Variants in CACNA2D3 observed in about 807,000 individuals in gnomAD.
CACNA2D3 encodes voltage-dependent calcium channel subunit alpha-2/delta-3.
In CACNA2D3, 60 loss-of-function variants were observed where a neutral mutation model predicts 160.6. That is an observed-to-expected ratio of 0.37 (90% CI 0.30 to 0.46). The LOEUF (loss-of-function observed/expected upper bound fraction) is 0.46, where lower values mean the gene tolerates loss of function less well. Among genes scored for constraint, CACNA2D3 ranks in the 20% least tolerant of loss-of-function variants. The pLI, the probability that CACNA2D3 is intolerant of heterozygous loss-of-function variation, is 1.00. For missense variants in CACNA2D3, 1,205 were observed against 1,365.0 expected (o/e 0.88, Z 1.85); for synonymous variants, 558 against 492.9 (o/e 1.13, Z -1.75).
At chr3:54,406,361 G>C (rs555287532) in intron 4 of CACNA2D3, among the ~76,000 whole-genome samples, 3 of 152,066 alleles carry the variant, frequency 2.0e-5, no homozygotes, top group Non-Finnish European at 4.4e-5. Context: ...TAGTGTGTAT[G>C]TGTGTATATA....
At position 54,968,530 on chromosome 3, in the gene CACNA2D3, C is replaced by T. The variant is rs776187720; in HGVS notation, c.2511+19C>T. ...CAGACAGGTAAGTTATAATCAGCATCTTGAAGCATTAGCGACACTGTTATT... is the reference window on the plus strand; with the variant it reads ...CAGACAGGTAAGTTATAATCAGCATTTTGAAGCATTAGCGACACTGTTATT... On this transcript the variant is annotated intron_variant, in intron 28 of 37. Coordinates refer to ENST00000474759, the MANE Select transcript of CACNA2D3 (RefSeq NM_018398.3). The T allele has an allele frequency of 5.6e-6, 9 of 1,593,758 alleles. No homozygotes were observed. Among genetic ancestry groups the T allele is most frequent in the South Asian group, 1.1e-5 (1 of 88,892 alleles).
Position 54,513,113 on chromosome 3 carries a change from C to T in CACNA2D3, c.544+9459C>T, listed in dbSNP as rs144652721. ...ATGGGAATTCAAGATGAGATTTGGG[C>T]GGGGACACAGCCAAACCATATCAGG... is the stretch of plus-strand genomic sequence containing the variant. On this transcript the variant is annotated intron_variant, in intron 5 of 37. Coordinates refer to ENST00000474759, the MANE Select transcript of CACNA2D3 (RefSeq NM_018398.3). 6.0e-3 allele frequency among the ~76,000 whole-genome samples: 906 copies of T among 152,268 alleles called. 9 individuals are homozygous for T. Among genetic ancestry groups the T allele is most frequent in the African/African-American group, 0.019 (802 of 41,544 alleles).
intron 17 of CACNA2D3, among the ~76,000 whole-genome samples, chr3:54,852,971 A>G (rs1421569791): frequency 1.3e-5 from 2 of 151,550 alleles, no homozygotes; most frequent in African/African-American, 2.4e-5. Flanking sequence ...TTTCTTAACT[A>G]TGCAATTCCG....
intron 29 of CACNA2D3, among the ~76,000 whole-genome samples, chr3:54,979,739 C>T (rs1177452452): frequency 6.6e-6 from 1 of 152,062 alleles, no homozygotes; most frequent in African/African-American, 2.4e-5. Context: ...AACTTTCTTC[C>T]TCTATTCTAA....
chr3:54,560,683 G>A (rs1289295903), intron 5 of CACNA2D3, among the ~76,000 whole-genome samples: 1 of 152,020 alleles, frequency 6.6e-6, no homozygotes, highest in Non-Finnish European at 1.5e-5. Context: ...TGTCTAGGTT[G>A]TATTCCAGGG....
At chr3:54,891,317 C>T (rs761566371) in intron 24 of CACNA2D3, 38 bp from the exon 25 acceptor site, 21 of 1,418,460 alleles carry the variant, frequency 1.5e-5, no homozygotes, top group Non-Finnish European at 1.9e-5. Flanking sequence ...TGCTTACTGT[C>T]TAGAGGCCTC....
At chr3:54,837,349 T>A in intron 15 of CACNA2D3, 119 bp downstream of exon 15, 1 of 798,504 alleles carries the variant, frequency 1.3e-6, no homozygotes, top group Non-Finnish European at 2.1e-6. Flanking sequence ...CATTTTTCCT[T>A]ATTGTTTGAT....
intron 3 of CACNA2D3, among the ~76,000 whole-genome samples, chr3:54,381,764 A>C (rs1699106692): frequency 6.6e-6 from 1 of 152,208 alleles, no homozygotes; most frequent in Non-Finnish European, 1.5e-5. Flanking sequence ...CTTCGCCTTC[A>C]CCAAAGCTGT....
intron 11 of CACNA2D3, among the ~76,000 whole-genome samples, chr3:54,738,536 A>G (rs1454005158): frequency 6.6e-6 from 1 of 152,162 alleles, no homozygotes; most frequent in African/African-American, 2.4e-5. Flanking sequence ...AATAAACAAA[A>G]CTATGAGGGT....
At chr3:54,160,317 G>A (rs1287427786) in intron 2 of CACNA2D3, among the ~76,000 whole-genome samples, 1 of 152,154 alleles carries the variant, frequency 6.6e-6, no homozygotes, top group Non-Finnish European at 1.5e-5. Flanking sequence ...TGGCCAACAT[G>A]GCAAAACCCT....
At chr3:55,071,703 T>C (rs754364715) in intron 35 of CACNA2D3, among the ~76,000 whole-genome samples, 2 of 152,228 alleles carry the variant, frequency 1.3e-5, no homozygotes, top group South Asian at 2.1e-4. Flanking sequence ...CATGTTTCAG[T>C]GGGCTCACTC....
chr3:54,196,493 C>T (rs1302499610), intron 2 of CACNA2D3, among the ~76,000 whole-genome samples: 4 of 152,180 alleles, frequency 2.6e-5, no homozygotes, highest in Admixed American at 6.5e-5. Flanking sequence ...CTCCTGCCCA[C>T]GTCACAGCCC....
intron 4 of CACNA2D3, among the ~76,000 whole-genome samples, chr3:54,391,683 G>C (rs1180424265): frequency 2.6e-5 from 4 of 152,010 alleles, no homozygotes; most frequent in African/African-American, 9.7e-5. Flanking sequence ...GCTACTTCTT[G>C]TATTTTTTGT....
chr3:54,750,898 T>C (rs1701843992), intron 11 of CACNA2D3, among the ~76,000 whole-genome samples: 2 of 151,742 alleles, frequency 1.3e-5, no homozygotes, highest in Non-Finnish European at 2.9e-5. Context: ...GCCTCCCGAG[T>C]AGCTGGGACT....
At chr3:54,271,910 A>G (rs991932712) in intron 2 of CACNA2D3, among the ~76,000 whole-genome samples, 1 of 152,230 alleles carries the variant, frequency 6.6e-6, no homozygotes, top group East Asian at 1.9e-4. Context: ...AAAATATAAA[A>G]GTTACTTTGT....
At chr3:54,533,438 G>A (rs1166332085) in intron 5 of CACNA2D3, among the ~76,000 whole-genome samples, 1 of 147,204 alleles carries the variant, frequency 6.8e-6, no homozygotes, top group Non-Finnish European at 1.5e-5. Context: ...AGGTTCAAGC[G>A]ATTCTCTTGC....
chr3:54,962,958 T>C (rs1241701695), intron 27 of CACNA2D3, among the ~76,000 whole-genome samples: 1 of 152,230 alleles, frequency 6.6e-6, no homozygotes, highest in East Asian at 1.9e-4. Context: ...TAATTTTATA[T>C]GTTTTATTTC....
chr3:54,440,456 A>G (rs1473980325), intron 4 of CACNA2D3, among the ~76,000 whole-genome samples: 1 of 152,074 alleles, frequency 6.6e-6, no homozygotes, highest in African/African-American at 2.4e-5. Context: ...AAGGGTAGGA[A>G]TGGTGTCTTC....
intron 11 of CACNA2D3, among the ~76,000 whole-genome samples, chr3:54,667,863 C>T (rs986800884): frequency 1.3e-5 from 2 of 151,882 alleles, no homozygotes; most frequent in African/African-American, 2.4e-5. Context: ...AGGAGGATCA[C>T]CTGAGCCTGG....
Sources: gnomAD v4.1 joint callset for allele counts (sites outside exome capture counted in the v4.1 genomes callset) on GRCh38, gnomAD v4.1.1 for gene constraint, MANE v1.5 for transcripts, NCBI Gene and HGNC (gene_info 2026-07-23, HGNC 2026-07-21) for gene names.